Variants in DEFB115 observed in about 807,000 individuals in gnomAD.
The protein encoded by DEFB115 is beta-defensin 115.
Under a neutral mutation model 8.8 loss-of-function variants are expected in DEFB115, and 7 were observed. That is an observed-to-expected ratio of 0.79 (90% CI 0.45 to 1.49). The LOEUF (loss-of-function observed/expected upper bound fraction) is 1.49, where lower values mean the gene tolerates loss of function less well. DEFB115 is among the 40% of genes most tolerant of loss of function. The pLI is 0.01. For synonymous variants in DEFB115, 62 were observed against 37.6 expected, an observed-to-expected ratio of 1.65 and a Z score of -2.37; for missense variants, 143 against 99.4, an observed-to-expected ratio of 1.44 and a Z score of -1.86.
chr20:31,257,828 T>C (rs1983796747), intron 1 of DEFB115, 71 bp downstream of exon 1: 13 of 1,384,188 alleles, frequency 9.4e-6, no homozygotes, highest in Middle Eastern at 3.6e-4. Context: ...CACTGGAAAA[T>C]TGAACATGTG....
chr20:31,258,375 G>C (rs993196495), intron 1 of DEFB115, among the ~76,000 whole-genome samples: 1 of 152,134 alleles, frequency 6.6e-6, no homozygotes, highest in African/African-American at 2.4e-5. Context: ...ATGGCCAGGT[G>C]GTGAATAACT....
In DEFB115 at chr20:31,259,626, T is replaced by C. The variant is rs765866346; in HGVS notation, c.261T>C (p.Tyr87=). Residue 87 remains tyrosine, a synonymous_variant, in exon 2 of 2, where the codon TAT becomes TAC. Coordinates refer to ENST00000400552, the MANE Select transcript of DEFB115 (RefSeq NM_001037730.1). ...IHDQKETSEL[Y]I is the part of the protein sequence containing the mutation. ...ACCAAAAAGAGACAAGTGAGCTATA[T>C]ATCTAGTTGCGACTCCTAATTCAGA... 3.2e-6 allele frequency: 5 copies of C among 1,582,428 alleles called. No individual in the cohort carries two copies. The African/African-American group carries it at 4.1e-5, about 13-fold the overall frequency.
intron 1 of DEFB115, among the ~76,000 whole-genome samples, chr20:31,258,472 T>G (rs1263234346): frequency 1.3e-5 from 2 of 152,224 alleles, no homozygotes; most frequent in African/African-American, 4.8e-5. Flanking sequence ...GGGTCGTTGC[T>G]GTTGGAAGTC....
intron 1 of DEFB115, among the ~76,000 whole-genome samples, chr20:31,257,998 G>A (rs561652816): frequency 6.6e-6 from 1 of 152,266 alleles, no homozygotes; most frequent in East Asian, 1.9e-4. Flanking sequence ...TTTATATGAA[G>A]TCCCTTCCAT....
At position 31,257,683 on chromosome 20, in the gene DEFB115, C is replaced by T; in HGVS notation, c.20C>T (p.Ser7Leu). The change falls in exon 1 of 2, where the codon TCA becomes TTA. Residue 7 changes from serine (S) to leucine (L), a missense_variant. Ser to Leu is a moderately radical substitution (Grantham distance 145). Transcript: ENST00000400552. ...CTCAGAATGCTGCCAGATCATTTCTCACCCCTCTCAGGAGACATTAAACTC... is the reference window on the plus strand; with the variant it reads ...CTCAGAATGCTGCCAGATCATTTCTTACCCCTCTCAGGAGACATTAAACTC... Reference protein sequence around the residue: MLPDHFSPLSGDIKLSV... With the variant: MLPDHFLPLSGDIKLSV... 1.2e-6 allele frequency: 2 copies of T among 1,614,012 alleles called. No individual in the cohort carries two copies. Among genetic ancestry groups the T allele is most frequent in the South Asian group, 1.1e-5 (1 of 91,076 alleles).
At chr20:31,258,928 T>G (rs111240972) in intron 1 of DEFB115, among the ~76,000 whole-genome samples, 244 of 152,110 alleles carry the variant, frequency 1.6e-3, no homozygotes, top group African/African-American at 5.7e-3. Context: ...GGCACAGTGT[T>G]AAACCCTCCC....
In DEFB115 at chr20:31,259,596, T is replaced by G. The variant is rs540810573; in HGVS notation, c.231T>G (p.Ile77Met). Residue 77 changes from isoleucine to methionine, a missense_variant, in exon 2 of 2, where the codon ATT becomes ATG. Coordinates refer to ENST00000400552, the MANE Select transcript of DEFB115 (RefSeq NM_001037730.1). ...VPKEKDKLSH[I>M]HDQKETSELY... ...AAGAAAAGGATAAACTATCACACATTCACGACCAAAAAGAGACAAGTGAGC... is the reference window on the plus strand; with the variant it reads ...AAGAAAAGGATAAACTATCACACATGCACGACCAAAAAGAGACAAGTGAGC... 193 of 1,607,142 alleles carry G rather than the reference T, an allele frequency of 1.2e-4. No homozygotes were observed. In the South Asian group the frequency reaches 2.1e-3, roughly 17 times the overall value.
chr20:31,257,970 C>A (rs1983799562), intron 1 of DEFB115, among the ~76,000 whole-genome samples: 1 of 152,186 alleles, frequency 6.6e-6, no homozygotes, highest in Non-Finnish European at 1.5e-5. Flanking sequence ...TGGAGAATAT[C>A]TGCAGAGGCC....
chr20:31,259,496 G>A lies in DEFB115; in HGVS notation c.131G>A (p.Arg44Lys), dbSNP rs1337721339. The A allele has an allele frequency of 1.9e-6, 3 of 1,612,914 alleles. No individual in the cohort carries two copies. The highest frequency in any genetic ancestry group is 2.5e-6 in the Non-Finnish European group (3 of 1,179,492). ...AGAAGGTGCTATTATGGAACTGGCA[G>A]ATGCAGGAAATCATGCAAAGAAATT... ...WIRRCYYGTG[R>K]CRKSCKEIER... Residue 44 changes from arginine (R) to lysine (K), a missense_variant, in exon 2 of 2, where the codon AGA becomes AAA. By Grantham distance (26) the Arg-to-Lys change is conservative. Transcript: ENST00000400552.
At position 31,257,687 on chromosome 20, in the gene DEFB115, C is replaced by T; in HGVS notation, c.24C>T (p.Pro8=). ...GAATGCTGCCAGATCATTTCTCACC[C>T]CTCTCAGGAGACATTAAACTCTCTG... The part of the protein sequence containing the change: MLPDHFS[P]LSGDIKLSVL... Residue 8 remains proline, a synonymous_variant, in exon 1 of 2, where the codon CCC becomes CCT. Coordinates refer to ENST00000400552, the MANE Select transcript of DEFB115 (RefSeq NM_001037730.1). 3 of 1,613,984 alleles carry T rather than the reference C, an allele frequency of 1.9e-6. No homozygotes were observed. Among genetic ancestry groups the T allele is most frequent in the East Asian group, 2.2e-5 (1 of 44,868 alleles).
At chr20:31,257,885 C>A in intron 1 of DEFB115, 128 bp downstream of exon 1, 1 of 801,748 alleles carries the variant, frequency 1.2e-6, no homozygotes, top group Non-Finnish European at 2.0e-6. Context: ...TGATGAAAGG[C>A]TTATAATGAA....
chr20:31,258,728 C>A lies in DEFB115; in HGVS notation c.95-732C>A, dbSNP rs149420892. Among the ~76,000 whole-genome samples the A allele has an allele frequency of 3.1e-3, 468 of 152,050 alleles. 4 individuals carry two copies. The highest frequency in any genetic ancestry group is 0.011 in the African/African-American group (453 of 41,444). The stretch of plus-strand genomic sequence containing the variant: ...AGTCAATGTGACTGATTTTTTTCAG[C>A]CTGAACATTCTGGTAAAAGACAGAG... On this transcript the variant is annotated intron_variant, in intron 1 of 1. Coordinates refer to ENST00000400552, the MANE Select transcript of DEFB115 (RefSeq NM_001037730.1).
intron 1 of DEFB115, 109 bp downstream of exon 1, chr20:31,257,866 G>A: frequency 3.2e-6 from 3 of 944,600 alleles, no homozygotes; most frequent in Non-Finnish European, 5.0e-6. Context: ...CACAGGGATG[G>A]CTGAGATCTG....
chr20:31,257,694 G>C lies in DEFB115; in HGVS notation c.31G>C (p.Gly11Arg). 5 of 1,613,964 alleles carry C rather than the reference G, an allele frequency of 3.1e-6. No individual in the cohort carries two copies. Among genetic ancestry groups the C allele is most frequent in the Non-Finnish European group, 4.2e-6 (5 of 1,179,926 alleles). ...GCCAGATCATTTCTCACCCCTCTCAGGAGACATTAAACTCTCTGTCCTGGC... is the reference window on the plus strand; with the variant it reads ...GCCAGATCATTTCTCACCCCTCTCACGAGACATTAAACTCTCTGTCCTGGC... MLPDHFSPLS[G>R]DIKLSVLALV... Residue 11 changes from glycine to arginine, a missense_variant, in exon 1 of 2, where the codon GGA (glycine) becomes CGA (arginine). Coordinates refer to ENST00000400552, the MANE Select transcript of DEFB115 (RefSeq NM_001037730.1).
At chr20:31,259,328 T>A (rs950800274) in intron 1 of DEFB115, 132 bp from the exon 2 acceptor site, 1 of 895,250 alleles carries the variant, frequency 1.1e-6, no homozygotes, top group Non-Finnish European at 1.6e-6. Flanking sequence ...TTTATAACAT[T>A]CCCATGAATG....
In DEFB115 at chr20:31,259,429, T is replaced by C. The variant is rs748657128; in HGVS notation, c.95-31T>C. 11 of 1,544,494 alleles carry C rather than the reference T, an allele frequency of 7.1e-6. No individual in the cohort carries two copies. The South Asian group carries it at 1.0e-4, about 14-fold the overall frequency. ...ATTGTATTTATTTTTCAAATGTATT[T>C]ATATATTCATGTGTTTGCTTATTTT... On this transcript the variant is annotated intron_variant, in intron 1 of 1. Transcript: ENST00000400552.
At chr20:31,259,192 A>G (rs1983836289) in intron 1 of DEFB115, among the ~76,000 whole-genome samples, 1 of 152,198 alleles carries the variant, frequency 6.6e-6, no homozygotes, top group South Asian at 2.1e-4. Flanking sequence ...TTAGAGAGGA[A>G]GTAGAACCAG....
intron 1 of DEFB115, among the ~76,000 whole-genome samples, chr20:31,259,218 G>A (rs1056629239): frequency 1.3e-5 from 2 of 152,116 alleles, no homozygotes; most frequent in Non-Finnish European, 2.9e-5. Context: ...GTGAGACTGT[G>A]AAAAATGACA....
chr20:31,259,523 A>G lies in DEFB115; in HGVS notation c.158A>G (p.Glu53Gly). 1 of 1,613,448 alleles carries G rather than the reference A, an allele frequency of 6.2e-7. No homozygotes were observed. The highest frequency in any genetic ancestry group is 8.5e-7 in the Non-Finnish European group (1 of 1,179,650). ...TGCAGGAAATCATGCAAAGAAATTG[A>G]GAGGAAGAAAGAAAAATGTGGGGAA... ...GRCRKSCKEI[E>G]RKKEKCGEKH... The change falls in exon 2 of 2, where the codon GAG (glutamate) becomes GGG (glycine). Residue 53 changes from glutamate to glycine, a missense_variant. Glu to Gly is a moderately conservative substitution (Grantham distance 98). Transcript: ENST00000400552.
Sources: gnomAD v4.1 joint callset for allele counts (sites outside exome capture counted in the v4.1 genomes callset) on GRCh38, gnomAD v4.1.1 for gene constraint, MANE v1.5 for transcripts, NCBI Gene and HGNC (gene_info 2026-07-23, HGNC 2026-07-21) for gene names.